The following UST variants were observed in gnomAD, a reference collection of about 807,000 sequenced individuals.
The protein encoded by UST is uronyl 2-sulfotransferase.
Under a neutral mutation model 45.6 loss-of-function variants are expected in UST, and 21 were observed. The ratio of observed to expected loss-of-function variants is 0.46; its 90% CI spans 0.33 to 0.66. The LOEUF (loss-of-function observed/expected upper bound fraction) is 0.66, where lower values mean the gene tolerates loss of function less well. UST is among the 30% of genes least tolerant of loss of function. The pLI is 0.02. For missense variants in UST, 463 were observed against 512.4 expected, an observed-to-expected ratio of 0.90 and a Z score of 0.93; for synonymous variants, 215 against 200.6, an observed-to-expected ratio of 1.07 and a Z score of -0.61.
chr6:148,875,514 T>C (rs955848636), intron 1 of UST, among the ~76,000 whole-genome samples: 1 of 152,222 alleles, frequency 6.6e-6, no homozygotes, highest in African/African-American at 2.4e-5. Context: ...TAAAACTAAA[T>C]ATAACTGGCT....
intron 5 of UST, among the ~76,000 whole-genome samples, chr6:148,979,848 T>C (rs1012276293): frequency 6.6e-6 from 1 of 152,238 alleles, no homozygotes; most frequent in African/African-American, 2.4e-5. Context: ...TTAAGATGTA[T>C]CTGAGATTTT....
At chr6:148,787,825 A>T (rs1302332683) in intron 1 of UST, among the ~76,000 whole-genome samples, 1 of 152,182 alleles carries the variant, frequency 6.6e-6, no homozygotes, top group Non-Finnish European at 1.5e-5. Flanking sequence ...TCCATGAACA[A>T]CCCAAATAGT....
intron 1 of UST, among the ~76,000 whole-genome samples, chr6:148,867,340 G>A (rs960300846): frequency 5.4e-5 from 8 of 149,488 alleles, no homozygotes; most frequent in South Asian, 2.1e-4. Context: ...ATATATGTAC[G>A]TATGTATGTA....
chr6:148,938,365 G>C (rs1229317384), intron 2 of UST, among the ~76,000 whole-genome samples: 2 of 152,110 alleles, frequency 1.3e-5, no homozygotes, highest in Non-Finnish European at 2.9e-5. Context: ...TGGAAAAATT[G>C]CACCAAAATG....
chr6:148,805,587 A>G (rs7751854), intron 1 of UST, among the ~76,000 whole-genome samples: 87,534 of 152,030 alleles, frequency 0.58, 25,681 homozygotes, highest in East Asian at 0.91. Flanking sequence ...TTTCTGGAAT[A>G]AGTTTCCCAG....
chr6:148,845,079 G>C (rs933747691), intron 1 of UST, among the ~76,000 whole-genome samples: 1 of 152,126 alleles, frequency 6.6e-6, no homozygotes, highest in African/African-American at 2.4e-5. Context: ...ATTGTGAATA[G>C]CATGGTGATT....
chr6:148,959,249 G>A (rs1473590080), intron 4 of UST, among the ~76,000 whole-genome samples: 1 of 152,116 alleles, frequency 6.6e-6, no homozygotes, highest in East Asian at 1.9e-4. Flanking sequence ...ATCAGACTTC[G>A]CTAATTCCAC....
intron 1 of UST, among the ~76,000 whole-genome samples, chr6:148,878,722 G>T (rs76173797): frequency 1.7e-4 from 12 of 69,970 alleles, no homozygotes; most frequent in South Asian, 5.0e-4. Context: ...GTGTATGAGT[G>T]CAGGGGATCA....
intron 7 of UST, among the ~76,000 whole-genome samples, chr6:149,046,538 T>C (rs903256669): frequency 1.3e-5 from 2 of 152,228 alleles, no homozygotes; most frequent in Admixed American, 1.3e-4. Context: ...TCAGTAGACA[T>C]GGGTTTGAAT....
At chr6:148,826,231 G>C (rs1248944509) in intron 1 of UST, among the ~76,000 whole-genome samples, 3 of 152,212 alleles carry the variant, frequency 2.0e-5, no homozygotes, top group Non-Finnish European at 4.4e-5. Context: ...TTCTGCCTCA[G>C]CCTCCCAAGT....
chr6:148,877,256 C>T (rs964524380), intron 1 of UST, among the ~76,000 whole-genome samples: 3 of 10,428 alleles, frequency 2.9e-4, no homozygotes, highest in Non-Finnish European at 3.6e-4. Flanking sequence ...TGTGTGGGTG[C>T]GGGGGGTCGT....
chr6:148,959,929 A>C (rs149030845), intron 4 of UST, among the ~76,000 whole-genome samples: 29 of 152,016 alleles, frequency 1.9e-4, no homozygotes, highest in African/African-American at 6.5e-4. Context: ...CCTCCCCACC[A>C]TGCTGGCCCC....
intron 7 of UST, among the ~76,000 whole-genome samples, chr6:149,044,683 T>A (rs1306865983): frequency 6.6e-6 from 1 of 152,220 alleles, no homozygotes; most frequent in Non-Finnish European, 1.5e-5. Context: ...TGCCTGTGGC[T>A]CCAGCTTAAT....
intron 1 of UST, among the ~76,000 whole-genome samples, chr6:148,794,805 A>G (rs1423295836): frequency 6.6e-6 from 1 of 152,208 alleles, no homozygotes; most frequent in African/African-American, 2.4e-5. Flanking sequence ...ACATGGAATA[A>G]TTAATGAAGG....
intron 2 of UST, among the ~76,000 whole-genome samples, chr6:148,908,464 G>C (rs1374927433): frequency 6.6e-6 from 1 of 152,104 alleles, no homozygotes; most frequent in African/African-American, 2.4e-5. Flanking sequence ...TGGGCGTTTG[G>C]TGGTATATAT....
chr6:148,769,635 A>C (rs912032330), intron 1 of UST, among the ~76,000 whole-genome samples: 33 of 152,222 alleles, frequency 2.2e-4, no homozygotes, highest in Non-Finnish European at 2.9e-5. Flanking sequence ...ATACTGTGGA[A>C]ATTTGCATTT....
intron 1 of UST, among the ~76,000 whole-genome samples, chr6:148,778,011 G>A (rs903171212): frequency 2.0e-5 from 3 of 152,118 alleles, no homozygotes; most frequent in Non-Finnish European, 4.4e-5. Context: ...GTTTATGCAG[G>A]TTCACGCTTT....
At chr6:148,832,530 A>G (rs1298948842) in intron 1 of UST, among the ~76,000 whole-genome samples, 1 of 152,248 alleles carries the variant, frequency 6.6e-6, no homozygotes, top group East Asian at 1.9e-4. Context: ...ACTGATCAGC[A>G]TCCCATAGAG....
chr6:148,881,349 A>T (rs2114836432), intron 1 of UST, among the ~76,000 whole-genome samples: 1 of 152,314 alleles, frequency 6.6e-6, no homozygotes, highest in Admixed American at 6.5e-5. Context: ...GCTTGACAAG[A>T]CACTGTAATT....
Sources: gnomAD v4.1 joint callset for allele counts (sites outside exome capture counted in the v4.1 genomes callset) on GRCh38, gnomAD v4.1.1 for gene constraint, MANE v1.5 for transcripts, NCBI Gene and HGNC (gene_info 2026-07-23, HGNC 2026-07-21) for gene names.